The following ZNF804B variants were observed in gnomAD, a reference collection of about 807,000 sequenced individuals.
The protein encoded by ZNF804B is zinc finger 804B.
ZNF804B carries 80 observed loss-of-function variants against 101.4 expected under a neutral mutation model. The ratio of observed to expected loss-of-function variants is 0.79; its 90% CI spans 0.66 to 0.95. ZNF804B has a LOEUF of 0.95. Ranked by LOEUF, ZNF804B falls within the 40% of genes least tolerant of loss-of-function variation. The pLI is 0.00. For missense variants in ZNF804B, 1,673 were observed against 1,561.9 expected (o/e 1.07, Z -1.20); for synonymous variants, 622 against 558.8 (o/e 1.11, Z -1.59).
chr7:89,080,131 G>A (rs966575729), intron 1 of ZNF804B, among the ~76,000 whole-genome samples: 2 of 151,868 alleles, frequency 1.3e-5, no homozygotes, highest in African/African-American at 4.8e-5. Context: ...CAAGGATAAA[G>A]ATGGTGCCTT....
intron 1 of ZNF804B, among the ~76,000 whole-genome samples, chr7:89,106,811 A>G (rs1790143481): frequency 6.6e-6 from 1 of 152,148 alleles, no homozygotes; most frequent in African/African-American, 2.4e-5. Flanking sequence ...TGGAGGAAGA[A>G]CTGGAGTGGC....
At position 89,335,982 on chromosome 7, in the gene ZNF804B, T is replaced by C; in HGVS notation, c.3000T>C (p.Thr1000=). ...RNDQDSAIPR[T]TEKDKSKSSH... is the part of the protein sequence containing the mutation. The stretch of plus-strand genomic sequence containing the variant: ...ATCAAGACAGTGCAATTCCAAGGAC[T>C]ACGGAGAAAGACAAAAGCAAAAGTT... Residue 1000 remains threonine, a synonymous_variant, in exon 4 of 4, where the codon ACT becomes ACC. Coordinates refer to ENST00000333190, the MANE Select transcript of ZNF804B (RefSeq NM_181646.5). 4 of 1,614,036 alleles carry C rather than the reference T, an allele frequency of 2.5e-6. No homozygotes were observed. The highest frequency in any genetic ancestry group is 1.1e-5 in the South Asian group (1 of 91,088).
chr7:88,961,262 C>A (rs1227203638), intron 1 of ZNF804B, among the ~76,000 whole-genome samples: 1 of 151,302 alleles, frequency 6.6e-6, no homozygotes, highest in Non-Finnish European at 1.5e-5. Flanking sequence ...TTTTAAATTA[C>A]TGTTAGAATT....
At chr7:89,279,432 T>C (rs1006306743) in intron 2 of ZNF804B, among the ~76,000 whole-genome samples, 18 of 150,646 alleles carry the variant, frequency 1.2e-4, no homozygotes, top group African/African-American at 4.2e-4. Flanking sequence ...CTTGTGCCAG[T>C]TTTCAAAGGG....
At chr7:88,891,389 T>C (rs531804166) in intron 1 of ZNF804B, among the ~76,000 whole-genome samples, 1 of 152,244 alleles carries the variant, frequency 6.6e-6, no homozygotes, top group East Asian at 1.9e-4. Flanking sequence ...ATAATAGCTA[T>C]ATCCATTTTT....
chr7:88,892,393 GT>G (rs1792226876), intron 1 of ZNF804B, among the ~76,000 whole-genome samples: 1 of 151,998 alleles, frequency 6.6e-6, no homozygotes, highest in Admixed American at 6.6e-5. Flanking sequence ...GTAGAAAATA[GT>G]TTTTTTGGGG....
chr7:88,957,682 A>G (rs544253546), intron 1 of ZNF804B, among the ~76,000 whole-genome samples: 1 of 151,416 alleles, frequency 6.6e-6, no homozygotes, highest in Admixed American at 6.6e-5. Context: ...ATTTTGAGAA[A>G]AAAAGTATTA....
chr7:89,194,589 T>A (rs1788515962), intron 1 of ZNF804B, among the ~76,000 whole-genome samples: 2 of 151,428 alleles, frequency 1.3e-5, no homozygotes, highest in Non-Finnish European at 2.9e-5. Context: ...CCATTGCTTG[T>A]TTTTCTCAGG....
At chr7:89,247,777 A>G (rs1789473680) in intron 2 of ZNF804B, among the ~76,000 whole-genome samples, 1 of 152,170 alleles carries the variant, frequency 6.6e-6, no homozygotes, top group Non-Finnish European at 1.5e-5. Context: ...CAGAAATGAC[A>G]CAAGGAATTC....
chr7:88,871,866 G>T (rs558210291), intron 1 of ZNF804B, among the ~76,000 whole-genome samples: 2 of 152,134 alleles, frequency 1.3e-5, no homozygotes, highest in Non-Finnish European at 2.9e-5. Context: ...TACTACGGAG[G>T]CTGAGGCAGG....
At position 89,139,017 on chromosome 7, in the gene ZNF804B, G is replaced by A. The variant is rs138604393; in HGVS notation, c.109-79138G>A. ...TGTGTGTGTCTATATGTGTGCACGT[G>A]CACGCATGTGTGTGTATACAGGCAT... is the stretch of plus-strand genomic sequence containing the variant. On this transcript the variant is annotated intron_variant, in intron 1 of 3. Transcript: ENST00000333190. Among the ~76,000 whole-genome samples, 490 of 152,170 alleles carry A rather than the reference G, an allele frequency of 3.2e-3. 1 individual carries two copies. The highest frequency in any genetic ancestry group is 0.011 in the African/African-American group (465 of 41,544).
intron 1 of ZNF804B, among the ~76,000 whole-genome samples, chr7:89,105,992 T>A (rs943584746): frequency 2.0e-5 from 3 of 151,986 alleles, no homozygotes; most frequent in African/African-American, 7.2e-5. Context: ...GCAAGAAGAG[T>A]CATGGAGCTT....
At chr7:88,933,372 C>T (rs1240770736) in intron 1 of ZNF804B, among the ~76,000 whole-genome samples, 1 of 151,858 alleles carries the variant, frequency 6.6e-6, no homozygotes, top group East Asian at 1.9e-4. Flanking sequence ...CCCCTGAGAA[C>T]TGGAACAAGA....
chr7:88,877,301 T>C (rs1203373433), intron 1 of ZNF804B, among the ~76,000 whole-genome samples: 1 of 151,502 alleles, frequency 6.6e-6, no homozygotes, highest in East Asian at 1.9e-4. Context: ...CATTTCTCAC[T>C]CTCTCTCAGC....
intron 1 of ZNF804B, among the ~76,000 whole-genome samples, chr7:89,158,333 C>T (rs1401757479): frequency 6.6e-6 from 1 of 152,126 alleles, no homozygotes; most frequent in Non-Finnish European, 1.5e-5. Context: ...TATAATCTTC[C>T]CAGCTAAAAT....
chr7:89,163,559 T>A (rs1322724450), intron 1 of ZNF804B, among the ~76,000 whole-genome samples: 2 of 152,184 alleles, frequency 1.3e-5, no homozygotes, highest in Non-Finnish European at 2.9e-5. Flanking sequence ...CATTTAGTGT[T>A]ATCTTTTTTT....
intron 2 of ZNF804B, among the ~76,000 whole-genome samples, chr7:89,275,092 A>T (rs142235761): frequency 4.8e-4 from 73 of 152,120 alleles, no homozygotes; most frequent in Non-Finnish European, 8.2e-4. Flanking sequence ...TCTGAAAATT[A>T]TCTAGACCTT....
chr7:89,214,326 C>A (rs1043720711), intron 1 of ZNF804B, among the ~76,000 whole-genome samples: 4 of 152,068 alleles, frequency 2.6e-5, no homozygotes. Flanking sequence ...ACCTCTTCCT[C>A]TAGGCAAACT....
chr7:89,100,376 G>T (rs540842437), intron 1 of ZNF804B, among the ~76,000 whole-genome samples: 1 of 152,188 alleles, frequency 6.6e-6, no homozygotes, highest in East Asian at 1.9e-4. Context: ...TAAATCATTG[G>T]AGAACTTCTC....
Sources: gnomAD v4.1 joint callset for allele counts (sites outside exome capture counted in the v4.1 genomes callset) on GRCh38, gnomAD v4.1.1 for gene constraint, MANE v1.5 for transcripts, NCBI Gene and HGNC (gene_info 2026-07-23, HGNC 2026-07-21) for gene names.